Variants in MSH3 observed in about 807,000 individuals in gnomAD.
MSH3 encodes mutS homolog 3.
MSH3 carries 106 observed loss-of-function variants against 123.3 expected under a neutral mutation model. The observed-to-expected ratio is 0.86, with a 90% CI of 0.73 to 1.01. The LOEUF is 1.01. Among genes scored for constraint, MSH3 ranks in the 50% least tolerant of loss-of-function variants. The pLI, the probability that MSH3 is intolerant of heterozygous loss-of-function variation, is 0.00. For missense variants in MSH3, 1,459 were observed against 1,347.6 expected, an observed-to-expected ratio of 1.08 and a Z score of -1.29; for synonymous variants, 515 against 481.4, an observed-to-expected ratio of 1.07 and a Z score of -0.91.
chr5:80,800,784 A>G (rs1288725372), intron 19 of MSH3, among the ~76,000 whole-genome samples: 3 of 152,236 alleles, frequency 2.0e-5, no homozygotes, highest in African/African-American at 4.8e-5. Context: ...GGGATGAACT[A>G]GAAGACACAA....
At chr5:80,676,705 C>T (rs745856253) in intron 7 of MSH3, among the ~76,000 whole-genome samples, 1 of 152,098 alleles carries the variant, frequency 6.6e-6, no homozygotes, top group Non-Finnish European at 1.5e-5. Flanking sequence ...ATATTTTTAT[C>T]CTTGAGAAGC....
chr5:80,847,465 G>A (rs1395250471), intron 20 of MSH3, among the ~76,000 whole-genome samples: 1 of 149,988 alleles, frequency 6.7e-6, no homozygotes, highest in African/African-American at 2.5e-5. Context: ...CTTCATATTT[G>A]CTTTGAAAGT....
intron 2 of MSH3, among the ~76,000 whole-genome samples, chr5:80,662,154 A>C (rs551003070): frequency 1.3e-5 from 2 of 152,310 alleles, no homozygotes; most frequent in African/African-American, 4.8e-5. Flanking sequence ...ATACACAGAT[A>C]CTTACCATTG....
intron 20 of MSH3, among the ~76,000 whole-genome samples, chr5:80,818,427 G>T (rs1214441703): frequency 1.4e-5 from 2 of 143,696 alleles, no homozygotes; most frequent in Non-Finnish European, 3.0e-5. Context: ...AAAAAAGGTG[G>T]GGGAGAGAGG....
chr5:80,807,281 G>C (rs1299333537), intron 19 of MSH3, among the ~76,000 whole-genome samples: 2 of 151,608 alleles, frequency 1.3e-5, no homozygotes, highest in Admixed American at 1.3e-4. Context: ...TAGGCTAATG[G>C]ATATAAACAA....
At chr5:80,808,396 G>T (rs1345208582) in intron 19 of MSH3, among the ~76,000 whole-genome samples, 6 of 152,112 alleles carry the variant, frequency 3.9e-5, no homozygotes, top group African/African-American at 2.4e-5. Context: ...CCTAAGGAAA[G>T]GCTTCTACCA....
At chr5:80,683,083 A>G (rs1364512339) in intron 8 of MSH3, among the ~76,000 whole-genome samples, 1 of 152,196 alleles carries the variant, frequency 6.6e-6, no homozygotes, top group Admixed American at 6.5e-5. Context: ...TATATGTACT[A>G]CATTTTCTTT....
At chr5:80,830,938 T>C (rs940388883) in intron 20 of MSH3, among the ~76,000 whole-genome samples, 5 of 152,208 alleles carry the variant, frequency 3.3e-5, no homozygotes, top group African/African-American at 1.2e-4. Context: ...CTTTAAATAC[T>C]GTAGTGTGAT....
At chr5:80,738,778 A>T (rs1050331714) in intron 10 of MSH3, among the ~76,000 whole-genome samples, 3 of 152,202 alleles carry the variant, frequency 2.0e-5, no homozygotes, top group South Asian at 2.1e-4. Flanking sequence ...CAAAATTCAC[A>T]TGTTGAAACC....
chr5:80,856,077 G>GT (rs1267012551), intron 21 of MSH3, among the ~76,000 whole-genome samples: 9 of 151,868 alleles, frequency 5.9e-5, no homozygotes, highest in African/African-American at 2.2e-4. Context: ...TAGGAATGGA[G>GT]TTTCACCGTG....
chr5:80,666,427 C>T (rs1479603950), intron 3 of MSH3, among the ~76,000 whole-genome samples: 3 of 152,098 alleles, frequency 2.0e-5, no homozygotes, highest in Non-Finnish European at 4.4e-5. Context: ...TGAACTCCTC[C>T]CTCAGCCAGG....
chr5:80,864,738 A>C, intron 21 of MSH3, 75 bp from the exon 22 acceptor site: 1 of 1,388,750 alleles, frequency 7.2e-7, no homozygotes. Flanking sequence ...ATTTTTCAAA[A>C]GAAAGTGGAA....
At chr5:80,742,103 A>T (rs968915817) in intron 11 of MSH3, among the ~76,000 whole-genome samples, 1 of 151,638 alleles carries the variant, frequency 6.6e-6, no homozygotes, top group Non-Finnish European at 1.5e-5. Context: ...TCTGCCTCCC[A>T]GGTTCAAGCA....
Position 80,761,654 on chromosome 5 carries a change from AC to A in MSH3, c.1873del (p.Leu625SerfsTer16). On this transcript the variant is annotated frameshift_variant, in exon 13 of 24. Coordinates refer to ENST00000265081, the MANE Select transcript of MSH3 (RefSeq NM_002439.5). LOFTEE classifies it high-confidence loss of function. Reference sequence around the variant, plus strand: ...GTAAATTGCCCGACATAGAGAGGGGACTCTGTAGCATTTATCACAAAAAAGT... The same window carrying A: ...GTAAATTGCCCGACATAGAGAGGGGATCTGTAGCATTTATCACAAAAAAGT... Reference protein sequence around the residue: ...LRKLPDIERGLCSIYHKKCST... With the variant: ...LRKLPDIERGXCSIYHKKCST... The A allele has an allele frequency of 6.2e-7, 1 of 1,614,044 alleles. No homozygotes were observed. Among genetic ancestry groups the A allele is most frequent in the South Asian group, 1.1e-5 (1 of 91,082 alleles).
At position 80,875,938 on chromosome 5, in the gene MSH3, C is replaced by G; in HGVS notation, c.*76C>G. The G allele has an allele frequency of 1.1e-6, 1 of 874,134 alleles. No individual in the cohort carries two copies. The highest frequency in any genetic ancestry group is 1.4e-5 in the South Asian group (1 of 71,154). The allele number at this position is 874,134 out of a possible 1,614,324, so 54.1% of individuals were successfully genotyped here. A position where few individuals can be genotyped will look rare whatever the true frequency, so the allele number is the denominator to read the frequency against. Reference sequence around the variant, plus strand: ...GTACAAAATAACTCTCCAGTAACAGCCTATCTTTGTGTGACATGTGAGCAT... The same window carrying G: ...GTACAAAATAACTCTCCAGTAACAGGCTATCTTTGTGTGACATGTGAGCAT... On this transcript the variant is annotated 3_prime_UTR_variant, in exon 24 of 24. Transcript: ENST00000265081.
At chr5:80,798,247 T>C (rs1744732875) in intron 19 of MSH3, among the ~76,000 whole-genome samples, 1 of 152,114 alleles carries the variant, frequency 6.6e-6, no homozygotes, top group East Asian at 1.9e-4. Flanking sequence ...CTAGTCACAG[T>C]CCCTTCTTGT....
intron 20 of MSH3, among the ~76,000 whole-genome samples, chr5:80,844,454 T>A (rs1049482634): frequency 6.6e-6 from 1 of 152,172 alleles, no homozygotes; most frequent in Admixed American, 6.5e-5. Context: ...TGGATATCCT[T>A]GTTAACCTTC....
chr5:80,792,286 C>T (rs906028592), intron 18 of MSH3, among the ~76,000 whole-genome samples: 5 of 152,034 alleles, frequency 3.3e-5, no homozygotes, highest in Admixed American at 3.3e-4. Flanking sequence ...ATAGTCCCAG[C>T]CTCCTCAAGA....
chr5:80,721,924 T>C (rs1372409809), intron 8 of MSH3, among the ~76,000 whole-genome samples: 1 of 152,220 alleles, frequency 6.6e-6, no homozygotes, highest in Non-Finnish European at 1.5e-5. Context: ...GTTTTCTGTA[T>C]CTTTTACATA....
Sources: gnomAD v4.1 joint callset for allele counts (sites outside exome capture counted in the v4.1 genomes callset) on GRCh38, gnomAD v4.1.1 for gene constraint, MANE v1.5 for transcripts, NCBI Gene and HGNC (gene_info 2026-07-23, HGNC 2026-07-21) for gene names.